KLHL11: variants seen among roughly 807,000 people sequenced by gnomAD.
The protein encoded by KLHL11 is kelch-like protein 11.
A neutral mutation model predicts 56.1 loss-of-function variants in KLHL11; 26 were observed. The ratio of observed to expected loss-of-function variants is 0.46; its 90% CI spans 0.34 to 0.64. The LOEUF is 0.64. Ranked by LOEUF, KLHL11 falls within the 30% of genes least tolerant of loss-of-function variation. KLHL11 has a pLI of 0.01. For missense variants in KLHL11, 627 were observed against 919.4 expected (o/e 0.68, Z 4.11); for synonymous variants, 338 against 345.8 (o/e 0.98, Z 0.25).
At chr17:41,857,704 T>G (rs944811658) in intron 1 of KLHL11, among the ~76,000 whole-genome samples, 6 of 152,094 alleles carry the variant, frequency 3.9e-5, no homozygotes, top group Non-Finnish European at 5.9e-5. Flanking sequence ...TGTTCACAGG[T>G]GCGATCACAG....
chr17:41,852,298 T>C lies in KLHL11; in HGVS notation c.*1442A>G, dbSNP rs1555622074. Among the ~76,000 whole-genome samples, 2 of 151,622 alleles carry C rather than the reference T, an allele frequency of 1.3e-5. No individual in the cohort carries two copies. The highest frequency in any genetic ancestry group is 4.8e-5 in the African/African-American group (2 of 41,330). On this transcript the variant is annotated 3_prime_UTR_variant, in exon 2 of 2. Coordinates refer to ENST00000319121, the MANE Select transcript of KLHL11 (RefSeq NM_018143.3). The stretch of plus-strand genomic sequence containing the variant: ...CTCCAAAGTGTTGGGATTACAGTCA[T>C]GAGCCACCGTGCCCAGCCCATAAAC...
At chr17:41,859,731 T>A (rs562242687) in intron 1 of KLHL11, among the ~76,000 whole-genome samples, 1 of 152,014 alleles carries the variant, frequency 6.6e-6, no homozygotes, top group Non-Finnish European at 1.5e-5. Flanking sequence ...CTGGGCGACA[T>A]AGTACAAAGC....
chr17:41,854,928 G>A lies in KLHL11; in HGVS notation c.939C>T (p.Ala313=), dbSNP rs1555622362. 2 of 1,614,164 alleles carry A rather than the reference G, an allele frequency of 1.2e-6. No homozygotes were observed. Among genetic ancestry groups the A allele is most frequent in the Admixed American group, 1.7e-5 (1 of 60,022 alleles). ...CCAACTTGACACAAACTTCATTATT[G>A]GCTACCAGCCTCTCTGGTTTGACAT... ...TRHVKPERLV[A]NNEVCVKLVA... is the part of the protein sequence containing the mutation. Residue 313 remains alanine, a synonymous_variant, in exon 2 of 2, where the codon GCC becomes GCT. Coordinates refer to ENST00000319121, the MANE Select transcript of KLHL11 (RefSeq NM_018143.3). This position sits in a 1 kb window ranked among gnomAD's most constrained non-coding sequence, Gnocchi z 4.9.
At chr17:41,864,627 C>A (rs1356850535) in intron 1 of KLHL11, among the ~76,000 whole-genome samples, 199 bp downstream of exon 1, 1 of 152,266 alleles carries the variant, frequency 6.6e-6, no homozygotes, top group Non-Finnish European at 1.5e-5. Context: ...GGGCGCGGGG[C>A]GCCCTCGCCG....
chr17:41,857,427 A>G (rs1171226469), intron 1 of KLHL11, among the ~76,000 whole-genome samples: 1 of 151,580 alleles, frequency 6.6e-6, no homozygotes, highest in Non-Finnish European at 1.5e-5. Context: ...GAATGGCTTG[A>G]ACCCAGGAGG....
intron 1 of KLHL11, among the ~76,000 whole-genome samples, chr17:41,858,604 T>C (rs1247212977): frequency 1.3e-5 from 2 of 151,920 alleles, no homozygotes; most frequent in Non-Finnish European, 2.9e-5. Flanking sequence ...AGCTAAATTT[T>C]TGTATTTTTA....
chr17:41,865,196 C>A lies in KLHL11; in HGVS notation c.175G>T (p.Ala59Ser), dbSNP rs781986345. 6.8e-6 allele frequency: 11 copies of A among 1,608,898 alleles called. No individual in the cohort carries two copies. In the Admixed American group the frequency reaches 1.8e-4, roughly 27 times the overall value. ...TCTGGGCCCGGATCGCCCCCGCTCG[C>A]CTCCATTGCAGAGATCCCCGGCCCA... is the stretch of plus-strand genomic sequence containing the variant. ...GPGPGISAMEASGGDPGPEAE... is the reference protein window; with the variant it reads ...GPGPGISAMESSGGDPGPEAE... Residue 59 changes from alanine (A) to serine (S), a missense_variant, in exon 1 of 2, where the codon GCG (alanine) becomes TCG (serine). Transcript: ENST00000319121.
At chr17:41,864,164 C>A (rs932330739) in intron 1 of KLHL11, among the ~76,000 whole-genome samples, 1 of 152,214 alleles carries the variant, frequency 6.6e-6, no homozygotes, top group Non-Finnish European at 1.5e-5. Flanking sequence ...AACGGTATTA[C>A]CTGCCTTCTA....
chr17:41,863,316 G>C (rs1288631257), intron 1 of KLHL11, among the ~76,000 whole-genome samples: 2 of 151,744 alleles, frequency 1.3e-5, no homozygotes, highest in Non-Finnish European at 2.9e-5. Context: ...TTGTGTCTCA[G>C]CCTCCCCAAC....
At chr17:41,855,991 C>G (rs9747865) in intron 1 of KLHL11, among the ~76,000 whole-genome samples, 24 of 149,162 alleles carry the variant, frequency 1.6e-4, no homozygotes, top group South Asian at 2.1e-4. Context: ...CATCCCCCCC[C>G]CAAAAAAAAA....
rs6503672 is a variant in KLHL11 at position 41,853,438 on chromosome 17, C to T, written c.*302G>A. 197,342 of 258,574 alleles carry T rather than the reference C, an allele frequency of 0.76. 75,968 individuals carry two copies. The highest frequency in any genetic ancestry group is 0.85 in the Admixed American group (16,612 of 19,594). 16.0% of individuals were successfully genotyped at this position (258,574 alleles called of 1,614,324 possible). A position where few individuals can be genotyped will look rare whatever the true frequency, so the allele number is the denominator to read the frequency against. On this transcript the variant is annotated 3_prime_UTR_variant, in exon 2 of 2. Coordinates refer to ENST00000319121, the MANE Select transcript of KLHL11 (RefSeq NM_018143.3). ...ACGTAAGTCCTCAAGACAAAGGAGT[C>T]ATAACTCGTTGGCAGGAAAACAGCT...
intron 1 of KLHL11, among the ~76,000 whole-genome samples, chr17:41,859,129 G>C (rs2048386774): frequency 6.6e-6 from 1 of 152,048 alleles, no homozygotes; most frequent in East Asian, 1.9e-4. Context: ...CTTTTTCTTT[G>C]GGCAGCCAGA....
intron 1 of KLHL11, among the ~76,000 whole-genome samples, chr17:41,858,452 G>A (rs1212788688): frequency 1.3e-5 from 2 of 149,916 alleles, no homozygotes; most frequent in African/African-American, 4.9e-5. Flanking sequence ...TTCTCCCCGA[G>A]ATGGAGTTTC....
chr17:41,857,665 GA>G (rs1304041385), intron 1 of KLHL11, among the ~76,000 whole-genome samples: 1 of 151,768 alleles, frequency 6.6e-6, no homozygotes, highest in African/African-American at 2.4e-5. Context: ...TTTATTTTAA[GA>G]GACAGGGTTT....
Position 41,853,468 on chromosome 17 carries a change from A to C in KLHL11, c.*272T>G. ...CTCGTTGGCAGGAAAACAGCTAAGCAACTACACCTGATTTTTCCACTTGTC... is the reference window on the plus strand; with the variant it reads ...CTCGTTGGCAGGAAAACAGCTAAGCCACTACACCTGATTTTTCCACTTGTC... On this transcript the variant is annotated 3_prime_UTR_variant, in exon 2 of 2. Coordinates refer to ENST00000319121, the MANE Select transcript of KLHL11 (RefSeq NM_018143.3). 3.0e-6 allele frequency: 1 copy of C among 331,596 alleles called. No homozygotes were observed. Among genetic ancestry groups the C allele is most frequent in the Non-Finnish European group, 5.5e-6 (1 of 183,214 alleles). 20.5% of individuals were successfully genotyped at this position (331,596 alleles called of 1,614,324 possible).
At position 41,854,570 on chromosome 17, in the gene KLHL11, A is replaced by G; in HGVS notation, c.1297T>C (p.Trp433Arg). 6.2e-7 allele frequency: 1 copy of G among 1,614,212 alleles called. No homozygotes were observed. The highest frequency in any genetic ancestry group is 8.5e-7 in the Non-Finnish European group (1 of 1,180,034). Residue 433 changes from tryptophan to arginine, a missense_variant, in exon 2 of 2, where the codon TGG becomes CGG. Around this residue, in one of 4 missense-constraint regions of KLHL11, gnomAD observed 250 missense variants for 360.6 expected, o/e 0.69. Transcript: ENST00000319121. This position sits in a 1 kb window ranked among gnomAD's most constrained non-coding sequence, Gnocchi z 4.9. ...VERYNPNLNT[W>R]EHVCSLMTRK... The stretch of plus-strand genomic sequence containing the variant: ...GTCATCAGACTACAAACATGTTCCC[A>G]TGTATTCAAATTTGGGTTATACCTT...
In KLHL11 at chr17:41,849,498, G is replaced by A. The variant is rs1163682341; in HGVS notation, c.*4242C>T. ...GAAACTGCCTTACCAGCAGCCTGACGGGTTTAAAAAACACAAAAGCACACA... is the reference window on the plus strand; with the variant it reads ...GAAACTGCCTTACCAGCAGCCTGACAGGTTTAAAAAACACAAAAGCACACA... On this transcript the variant is annotated 3_prime_UTR_variant, in exon 2 of 2. Transcript: ENST00000319121. The A allele has an allele frequency of 2.0e-5, 3 of 152,026 alleles. No homozygotes were observed. The highest frequency in any genetic ancestry group is 2.9e-5 in the Non-Finnish European group (2 of 68,004). 9.4% of individuals were successfully genotyped at this position (152,026 alleles called of 1,614,324 possible).
In KLHL11 at chr17:41,865,299, C is replaced by T. The variant is rs781862969; in HGVS notation, c.72G>A (p.Glu24=). ...AAASLQVLEM[E]SMETAAAGSA... ...AGCCGGCGGCGGCCGTCTCCATGCT[C>T]TCCATCTCCAGTACCTGAAGAGATG... Residue 24 remains glutamate, a synonymous_variant, in exon 1 of 2, where the codon GAG becomes GAA. Transcript: ENST00000319121. 5 of 1,560,490 alleles carry T rather than the reference C, an allele frequency of 3.2e-6. No homozygotes were observed. Among genetic ancestry groups the T allele is most frequent in the African/African-American group, 1.4e-5 (1 of 71,836 alleles).
chr17:41,855,328 T>A lies in KLHL11; in HGVS notation c.546-7A>T. 6.6e-7 allele frequency: 1 copy of A among 1,518,662 alleles called. No homozygotes were observed. Among genetic ancestry groups the A allele is most frequent in the Non-Finnish European group, 8.9e-7 (1 of 1,125,586 alleles). The allele number at this position is 1,518,662 out of a possible 1,614,324, so 94.1% of individuals were successfully genotyped here. On this transcript the variant is annotated splice_region_variant and splice_polypyrimidine_tract_variant and intron_variant, in intron 1 of 1. Transcript: ENST00000319121. Reference sequence around the variant, plus strand: ...TAAACGAATGAGTAGGAACCTAAAATCAAGAAAAAGAGAAAAGATTAATTT... The same window carrying A: ...TAAACGAATGAGTAGGAACCTAAAAACAAGAAAAAGAGAAAAGATTAATTT...
Sources: gnomAD v4.1 joint callset for allele counts (sites outside exome capture counted in the v4.1 genomes callset) on GRCh38, gnomAD v4.1.1 for gene constraint, gnomAD v4.1.1 regional missense constraint, Gnocchi (gnomAD v3.1) non-coding constraint, MANE v1.5 for transcripts, NCBI Gene and HGNC (gene_info 2026-07-23, HGNC 2026-07-21) for gene names.